The following ATP1A4 variants were observed in gnomAD, a reference collection of about 807,000 sequenced individuals.
ATP1A4 encodes ATPase Na+/K+ transporting subunit alpha 4, also known as sodium/potassium-transporting ATPase subunit alpha-4.
In ATP1A4, 90 loss-of-function variants were observed where a neutral mutation model predicts 114.3. The ratio of observed to expected loss-of-function variants is 0.79; its 90% CI spans 0.66 to 0.94. ATP1A4 has a LOEUF of 0.94. ATP1A4 is among the 40% of genes least tolerant of loss of function. The pLI is 0.00. For synonymous variants in ATP1A4, 511 were observed against 494.1 expected, an observed-to-expected ratio of 1.03 and a Z score of -0.45; for missense variants, 1,222 against 1,313.6, an observed-to-expected ratio of 0.93 and a Z score of 1.08.
chr1:160,167,032 C>A lies in ATP1A4; in HGVS notation c.1311C>A (p.Asn437Lys), dbSNP rs765247928. 1 of 1,614,184 alleles carries A rather than the reference C, an allele frequency of 6.2e-7. No homozygotes were observed. The highest frequency in any genetic ancestry group is 1.7e-5 in the Admixed American group (1 of 60,020). Reference protein sequence around the residue: ...FMLARIAGLCNRADFKANQEI... With the variant: ...FMLARIAGLCKRADFKANQEI... ...TGGCCCGAATCGCTGGCCTCTGCAA[C>A]CGGGCTGACTTTAAGGCTAATCAGG... is the stretch of plus-strand genomic sequence containing the variant. Residue 437 changes from asparagine (N) to lysine (K), a missense_variant, in exon 9 of 22, where the codon AAC becomes AAA. Asn to Lys is a moderately conservative substitution (Grantham distance 94). Coordinates refer to ENST00000368081, the MANE Select transcript of ATP1A4 (RefSeq NM_144699.4).
Position 160,177,523 on chromosome 1 carries a change from G to A in ATP1A4, c.2595G>A (p.Met865Ile), listed in dbSNP as rs1428805447. The change falls in exon 18 of 22, where the codon ATG becomes ATA. Residue 865 changes from methionine to isoleucine, a missense_variant. Met to Ile is a conservative substitution (Grantham distance 10). Coordinates refer to ENST00000368081, the MANE Select transcript of ATP1A4 (RefSeq NM_144699.4). ...CTGCAACTCTGTCATTCACAGGGAT[G>A]ATCCAGGCTCTGGCTGGATTCTTTA... Reference protein sequence around the residue: ...LIGMAYGQIGMIQALAGFFTY... With the variant: ...LIGMAYGQIGIIQALAGFFTY... 1.2e-6 allele frequency: 2 copies of A among 1,614,014 alleles called. No individual in the cohort carries two copies. The highest frequency in any genetic ancestry group is 2.2e-5 in the South Asian group (2 of 91,040).
chr1:160,173,987 C>CTGGGGACAATA, intron 13 of ATP1A4, 124 bp from the exon 14 acceptor site: 2 of 1,256,664 alleles, frequency 1.6e-6, no homozygotes, highest in Non-Finnish European at 2.2e-6. Flanking sequence ...CAATATAGGG[C>CTGGGGACAATA]TAGGGACAAG....
At chr1:160,184,519 C>T (rs190162857) in intron 20 of ATP1A4, among the ~76,000 whole-genome samples, 25 of 151,966 alleles carry the variant, frequency 1.6e-4, no homozygotes, top group African/African-American at 6.0e-4. Flanking sequence ...TGCACTCCAG[C>T]CTGGACGACA....
chr1:160,178,396 G>T (rs1036858462), intron 18 of ATP1A4, among the ~76,000 whole-genome samples: 19 of 151,452 alleles, frequency 1.3e-4, no homozygotes, highest in African/African-American at 4.6e-4. Context: ...TTGAAAACCA[G>T]CTGGGCACAG....
Position 160,174,720 on chromosome 1 carries a change from G to A in ATP1A4, c.2284G>A (p.Ala762Thr). ...ADMILLDDNFASIVTGVEEGR... is the reference protein window; with the variant it reads ...ADMILLDDNFTSIVTGVEEGR... ...CATGATCCTGCTGGATGACAACTTT[G>A]CCTCCATCGTCACGGGGGTGGAGGA... The change falls in exon 15 of 22, where the codon GCC becomes ACC. Residue 762 changes from alanine (A) to threonine (T), a missense_variant. Ala to Thr is a moderately conservative substitution (Grantham distance 58). Coordinates refer to ENST00000368081, the MANE Select transcript of ATP1A4 (RefSeq NM_144699.4). The A allele has an allele frequency of 6.2e-7, 1 of 1,614,166 alleles. No individual in the cohort carries two copies. The highest frequency in any genetic ancestry group is 1.7e-5 in the Admixed American group (1 of 60,024).
In ATP1A4 at chr1:160,171,570, T is replaced by G; in HGVS notation, c.1682-15T>G. ...TGCTGGATGACTACTGGTCCCTCCC[T>G]CTGTCTCTCTCCAGGCTTCTGCTTC... On this transcript the variant is annotated splice_polypyrimidine_tract_variant and intron_variant, in intron 11 of 21. Transcript: ENST00000368081. 6 of 1,612,008 alleles carry G rather than the reference T, an allele frequency of 3.7e-6. No homozygotes were observed. The highest frequency in any genetic ancestry group is 1.1e-5 in the South Asian group (1 of 90,714).
intron 1 of ATP1A4, among the ~76,000 whole-genome samples, chr1:160,152,704 C>A (rs1028688654): frequency 3.3e-5 from 5 of 152,162 alleles, no homozygotes; most frequent in African/African-American, 1.2e-4. Flanking sequence ...TGGCCCGAAC[C>A]CCCGTGAAAT....
Position 160,164,256 on chromosome 1 carries a change from T to A in ATP1A4, c.879T>A (p.Ala293=). 2 of 1,614,210 alleles carry A rather than the reference T, an allele frequency of 1.2e-6. No individual in the cohort carries two copies. Among genetic ancestry groups the A allele is most frequent in the Non-Finnish European group, 8.5e-7 (1 of 1,180,034 alleles). ...TGGCGGTTGGCCAGACACCTATCGC[T>A]GCTGAGATCGAACACTTCATCCATC... ...SGLAVGQTPI[A]AEIEHFIHLI... is the part of the protein sequence containing the mutation. Residue 293 remains alanine, a synonymous_variant, in exon 7 of 22, where the codon GCT becomes GCA. Coordinates refer to ENST00000368081, the MANE Select transcript of ATP1A4 (RefSeq NM_144699.4).
intron 6 of ATP1A4, among the ~76,000 whole-genome samples, chr1:160,162,758 G>C (rs1652904885): frequency 6.6e-6 from 1 of 152,162 alleles, no homozygotes; most frequent in Non-Finnish European, 1.5e-5. Context: ...CACTGTGTTA[G>C]GGGATAAGGG....
In ATP1A4 at chr1:160,174,486, G is replaced by A. The variant is rs143343189; in HGVS notation, c.2143-93G>A. On this transcript the variant is annotated intron_variant, in intron 14 of 21. Transcript: ENST00000368081. ...CCTAAATCAAGCATGATTACATCAGGAAACAAGGGATGCAGAAAGCGTACT... is the reference window on the plus strand; with the variant it reads ...CCTAAATCAAGCATGATTACATCAGAAAACAAGGGATGCAGAAAGCGTACT... 3,029 of 1,531,834 alleles carry A rather than the reference G, an allele frequency of 2.0e-3. 8 individuals carry two copies. The highest frequency in any genetic ancestry group is 2.2e-3 in the Non-Finnish European group (2,490 of 1,133,618). The allele number at this position is 1,531,834 out of a possible 1,614,324, so 94.9% of individuals were successfully genotyped here. A position where few individuals can be genotyped will look rare whatever the true frequency, so the allele number is the denominator to read the frequency against.
intron 17 of ATP1A4, chr1:160,177,283 T>C (rs1026560430): frequency 3.3e-5 from 16 of 484,168 alleles, no homozygotes; most frequent in African/African-American, 3.1e-4. Context: ...GACCATGTGA[T>C]TCAAAGCTGA....
chr1:160,172,138 G>A lies in ATP1A4; in HGVS notation c.1854+381G>A, dbSNP rs1383046014. On this transcript the variant is annotated intron_variant, in intron 12 of 21. Transcript: ENST00000368081. ...ACCAACGTGCGTGCAGATCCCTCAGGGATTGTTTTGAAATGCAGATCTGGC... is the reference window on the plus strand; with the variant it reads ...ACCAACGTGCGTGCAGATCCCTCAGAGATTGTTTTGAAATGCAGATCTGGC... Among the ~76,000 whole-genome samples, 5 of 152,152 alleles carry A rather than the reference G, an allele frequency of 3.3e-5. 1 individual carries two copies. The highest frequency in any genetic ancestry group is 3.3e-4 in the Admixed American group (5 of 15,272).
At chr1:160,164,496 CTTT>C in intron 7 of ATP1A4, 72 bp downstream of exon 7, 1 of 1,535,796 alleles carries the variant, frequency 6.5e-7, no homozygotes, top group South Asian at 1.2e-5. Context: ...ACTAGCGTCT[CTTT>C]TGTTGTTGAA....
In ATP1A4 at chr1:160,174,836, T is replaced by C. The variant is rs533239192; in HGVS notation, c.2311+89T>C. On this transcript the variant is annotated intron_variant, in intron 15 of 21. Coordinates refer to ENST00000368081, the MANE Select transcript of ATP1A4 (RefSeq NM_144699.4). ...ATCCCCTCTTTCCGTTTTCCCATCA[T>C]CCAACCTCCATGAGCCTGTACGGGC... 4.1e-5 allele frequency: 64 copies of C among 1,569,304 alleles called. No homozygotes were observed. In the East Asian group the frequency reaches 6.6e-4, roughly 16 times the overall value.
At chr1:160,172,190 G>T (rs974359810) in intron 12 of ATP1A4, among the ~76,000 whole-genome samples, 1 of 152,202 alleles carries the variant, frequency 6.6e-6, no homozygotes, top group African/African-American at 2.4e-5. Context: ...AAACCTGAGA[G>T]ACTGCATTTT....
chr1:160,177,403 C>A, intron 17 of ATP1A4, 116 bp from the exon 18 acceptor site: 2 of 1,084,298 alleles, frequency 1.8e-6, no homozygotes, highest in African/African-American at 1.6e-5. Flanking sequence ...CATTACTCTT[C>A]AGACACACAC....
intron 20 of ATP1A4, among the ~76,000 whole-genome samples, chr1:160,183,695 A>C (rs1230504890): frequency 6.6e-6 from 1 of 152,242 alleles, no homozygotes; most frequent in Non-Finnish European, 1.5e-5. Flanking sequence ...ATCCATATAC[A>C]ACTATTGTGC....
chr1:160,186,086 C>CAAAAAAAAAAAAGAA (rs1653879343), intron 20 of ATP1A4, among the ~76,000 whole-genome samples, 190 bp from the exon 21 acceptor site: 1 of 32,790 alleles, frequency 3.0e-5, no homozygotes, highest in African/African-American at 1.3e-4. Context: ...GACTCTGTCG[C>CAAAAAAAAAAAAGAA]AAAAAAAAAA....
At chr1:160,185,689 G>A (rs1361039929) in intron 20 of ATP1A4, among the ~76,000 whole-genome samples, 2 of 151,802 alleles carry the variant, frequency 1.3e-5, no homozygotes, top group African/African-American at 4.8e-5. Flanking sequence ...GGGAGGTGGA[G>A]GCAGGCGGAT....
Sources: allele counts gnomAD v4.1 joint callset (sites outside exome capture counted in the v4.1 genomes callset), GRCh38; gene constraint gnomAD v4.1.1; transcripts MANE v1.5; gene names NCBI Gene and HGNC (gene_info 2026-07-23, HGNC 2026-07-21).